Variants in ASCC1 observed in about 807,000 individuals in gnomAD.
ASCC1 encodes activating signal cointegrator 1 complex subunit 1, also known as ASC-1 complex subunit P50.
A neutral mutation model predicts 46.6 loss-of-function variants in ASCC1; 35 were observed. The ratio of observed to expected loss-of-function variants is 0.75; its 90% CI spans 0.57 to 0.99. ASCC1 has a LOEUF of 0.99. Among genes scored for constraint, ASCC1 ranks in the 50% least tolerant of loss-of-function variants. The probability of loss-of-function intolerance (pLI) is 0.00; values close to 1 mark genes in which losing one functional copy is unlikely to be tolerated. For synonymous variants in ASCC1, 143 were observed against 146.6 expected (o/e 0.98, Z 0.18); for missense variants, 376 against 428.7 (o/e 0.88, Z 1.09).
At chr10:72,118,648 G>A (rs972478022) in intron 9 of ASCC1, among the ~76,000 whole-genome samples, 5 of 150,918 alleles carry the variant, frequency 3.3e-5, no homozygotes, top group Admixed American at 6.6e-5. Flanking sequence ...TCATGGTGGT[G>A]CACGCCTGTA....
intron 9 of ASCC1, 109 bp downstream of exon 9, chr10:72,127,973 G>T: frequency 1.1e-6 from 1 of 896,584 alleles, no homozygotes; most frequent in East Asian, 2.5e-5. Context: ...AAAAAAGTAT[G>T]AGAAAAAGTA....
chr10:72,123,759 T>C (rs776737445), intron 9 of ASCC1, among the ~76,000 whole-genome samples: 13 of 152,186 alleles, frequency 8.5e-5, no homozygotes, highest in Non-Finnish European at 1.6e-4. Flanking sequence ...TGAGAGTGTT[T>C]AAGAAGTTAA....
intron 5 of ASCC1, among the ~76,000 whole-genome samples, chr10:72,165,774 C>T (rs1182725605): frequency 6.6e-6 from 1 of 152,162 alleles, no homozygotes; most frequent in Non-Finnish European, 1.5e-5. Flanking sequence ...AGGCTAAGTG[C>T]AAGGCTTATC....
intron 6 of ASCC1, among the ~76,000 whole-genome samples, chr10:72,160,307 A>G (rs1849493014): frequency 6.6e-6 from 1 of 152,210 alleles, no homozygotes; most frequent in Admixed American, 6.5e-5. Flanking sequence ...ATGTTAGAAT[A>G]GCATGGGGCC....
chr10:72,197,467 C>CAAAAAAAAAAAAAAAAAAAAAAAAGAA (rs1855623793), intron 4 of ASCC1, among the ~76,000 whole-genome samples: 1 of 51,364 alleles, frequency 1.9e-5, no homozygotes, highest in Non-Finnish European at 3.4e-5. Flanking sequence ...GACTCTATCT[C>CAAAAAAAAAAAAAAAAAAAAAAAAGAA]AAAAAAAAAA....
At chr10:72,112,676 G>A (rs2132035437) in intron 9 of ASCC1, among the ~76,000 whole-genome samples, 1 of 152,146 alleles carries the variant, frequency 6.6e-6, no homozygotes, top group Non-Finnish European at 1.5e-5. Context: ...GAGGTCAGTA[G>A]TTCAAGACCA....
At chr10:72,154,632 T>C (rs1439975997) in intron 6 of ASCC1, among the ~76,000 whole-genome samples, 1 of 151,966 alleles carries the variant, frequency 6.6e-6, no homozygotes, top group Non-Finnish European at 1.5e-5. Flanking sequence ...GCTGGAATTA[T>C]AAACATGTGC....
chr10:72,113,266 C>T (rs1298703768), intron 9 of ASCC1, among the ~76,000 whole-genome samples: 2 of 152,044 alleles, frequency 1.3e-5, no homozygotes, highest in East Asian at 1.9e-4. Flanking sequence ...CTGGCTGGGC[C>T]CTTTCAAAAA....
rs1859284327 is a variant in ASCC1, at chr10:72,216,246, C to G, written c.-73G>C. ...AAAATGGAGAAGGTAGGAGGAGAAA[C>G]AGGAGACTGCTGCAGCAGACGTGCG... On this transcript the variant is annotated 5_prime_UTR_variant, in exon 1 of 10. Transcript: ENST00000672957. 6.4e-6 allele frequency: 1 copy of G among 157,348 alleles called. No individual in the cohort carries two copies. Among genetic ancestry groups the G allele is most frequent in the African/African-American group, 2.4e-5 (1 of 41,484 alleles). The allele number at this position is 157,348 out of a possible 1,614,324, so 9.7% of individuals were successfully genotyped here. A position where few individuals can be genotyped will look rare whatever the true frequency, so the allele number is the denominator to read the frequency against.
At chr10:72,195,139 GTTTTTTTTT>G (rs142672810) in intron 5 of ASCC1, among the ~76,000 whole-genome samples, 2 of 61,020 alleles carry the variant, frequency 3.3e-5, no homozygotes, top group Non-Finnish European at 5.8e-5. Flanking sequence ...TTTTTGCTGT[GTTTTTTTTT>G]TTTTTTTTTT....
intron 9 of ASCC1, among the ~76,000 whole-genome samples, chr10:72,115,714 G>A (rs763385999): frequency 5.3e-5 from 8 of 152,164 alleles, no homozygotes; most frequent in Non-Finnish European, 8.8e-5. Context: ...TGTTGTTTTG[G>A]TATAATGGTA....
intron 9 of ASCC1, among the ~76,000 whole-genome samples, chr10:72,108,263 G>A (rs1842578031): frequency 6.6e-6 from 1 of 151,558 alleles, no homozygotes; most frequent in Non-Finnish European, 1.5e-5. Context: ...TTTTTATAGA[G>A]ACAGGGTTTT....
chr10:72,204,962 C>T (rs753512860), intron 3 of ASCC1, among the ~76,000 whole-genome samples: 2 of 152,166 alleles, frequency 1.3e-5, no homozygotes, highest in Non-Finnish European at 2.9e-5. Context: ...GCTTCAGCAC[C>T]TTAGAAAGCA....
At chr10:72,190,055 GCTCCCCACCCCACC>G in intron 5 of ASCC1, 1 of 758,084 alleles carries the variant, frequency 1.3e-6, no homozygotes, top group Non-Finnish European at 2.4e-6. Context: ...CCTCCACAGT[GCTCCCCACCCCACC>G]CAGCCTGATA....
chr10:72,160,727 A>C (rs61697841), intron 6 of ASCC1, among the ~76,000 whole-genome samples: 1 of 149,732 alleles, frequency 6.7e-6, no homozygotes, highest in African/African-American at 2.5e-5. Flanking sequence ...AAATAATAAT[A>C]AAAAAAGTTT....
chr10:72,163,319 T>C (rs1000841057), intron 5 of ASCC1, among the ~76,000 whole-genome samples: 1 of 152,154 alleles, frequency 6.6e-6, no homozygotes, highest in African/African-American at 2.4e-5. Flanking sequence ...TACATGCATG[T>C]TTCCAGAAGC....
At chr10:72,185,427 T>C (rs758048015) in intron 5 of ASCC1, among the ~76,000 whole-genome samples, 3 of 152,140 alleles carry the variant, frequency 2.0e-5, no homozygotes, top group Non-Finnish European at 2.9e-5. Context: ...CTATCAGGGT[T>C]GAATGGATAA....
chr10:72,149,149 A>T (rs77417960), intron 7 of ASCC1, among the ~76,000 whole-genome samples: 6 of 151,834 alleles, frequency 4.0e-5, no homozygotes, highest in Non-Finnish European at 2.9e-5. Flanking sequence ...AAAAAAAAAA[A>T]GTGTTGTGGC....
At chr10:72,142,582 G>T (rs1243865770) in intron 7 of ASCC1, among the ~76,000 whole-genome samples, 2 of 151,892 alleles carry the variant, frequency 1.3e-5, no homozygotes, top group Admixed American at 6.6e-5. Flanking sequence ...GGCCAGGCTG[G>T]TCTTGAACTC....
Sources: allele counts gnomAD v4.1 joint callset (sites outside exome capture counted in the v4.1 genomes callset), GRCh38; gene constraint gnomAD v4.1.1; transcripts MANE v1.5; gene names NCBI Gene and HGNC (gene_info 2026-07-23, HGNC 2026-07-21).